Variants in TMC2 observed in about 807,000 individuals in gnomAD.
TMC2 encodes transmembrane channel-like protein 2.
A neutral mutation model predicts 105.9 loss-of-function variants in TMC2; 102 were observed. The observed-to-expected ratio is 0.96, with a 90% CI of 0.82 to 1.14. TMC2 has a LOEUF of 1.14. Ranked by LOEUF, TMC2 falls within the 50% of genes most tolerant of loss-of-function variation. The probability of loss-of-function intolerance (pLI) is 0.00; values close to 1 mark genes in which losing one functional copy is unlikely to be tolerated. For missense variants in TMC2, 1,093 were observed against 1,134.3 expected (o/e 0.96, Z 0.52); for synonymous variants, 402 against 422.8 (o/e 0.95, Z 0.60).
intron 5 of TMC2, among the ~76,000 whole-genome samples, chr20:2,572,966 G>C (rs777267347): frequency 7.3e-5 from 11 of 151,284 alleles, no homozygotes; most frequent in Non-Finnish European, 1.3e-4. Context: ...TGCCACTAAG[G>C]CTGGAGTGCA....
chr20:2,619,665 G>T (rs2086510804), intron 16 of TMC2, among the ~76,000 whole-genome samples: 1 of 152,152 alleles, frequency 6.6e-6, no homozygotes, highest in African/African-American at 2.4e-5. Context: ...AGAAGGAGGG[G>T]ATCAGTCTAG....
At chr20:2,557,655 C>G (rs578002483) in intron 2 of TMC2, among the ~76,000 whole-genome samples, 10 of 152,138 alleles carry the variant, frequency 6.6e-5, no homozygotes, top group Non-Finnish European at 1.3e-4. Context: ...CTTAGCCTTC[C>G]AAGTAGCTGG....
rs572906830 is a variant in TMC2, at chr20:2,554,852, C to A, written c.83-3604C>A. ...TGTTAAGGTGTGTTTTATGGTCCAG[C>A]ATATGGTCTATTTTGGTGAATGTTC... On this transcript the variant is annotated intron_variant, in intron 2 of 19. Transcript: ENST00000358864. Among the ~76,000 whole-genome samples, 3 of 152,262 alleles carry A rather than the reference C, an allele frequency of 2.0e-5. No individual in the cohort carries two copies. In the East Asian group the frequency reaches 5.8e-4, roughly 29 times the overall value.
Position 2,562,178 on chromosome 20 carries a change from G to A in TMC2, c.554+168G>A, listed in dbSNP as rs181864059. Among the ~76,000 whole-genome samples the A allele has an allele frequency of 1.2e-4, 18 of 152,356 alleles. 1 individual carries two copies. The East Asian group carries it at 3.3e-3, about 28-fold the overall frequency. On this transcript the variant is annotated intron_variant, in intron 4 of 19. Coordinates refer to ENST00000358864, the MANE Select transcript of TMC2 (RefSeq NM_080751.3). Reference sequence around the variant, plus strand: ...GAGAGCCAAGGCGGCCGTGCTGTTCGCCAGCACCACAGGGCCTAGAGGGGG... The same window carrying A: ...GAGAGCCAAGGCGGCCGTGCTGTTCACCAGCACCACAGGGCCTAGAGGGGG...
At chr20:2,636,132 T>A in intron 18 of TMC2, 128 bp downstream of exon 18, 1 of 722,214 alleles carries the variant, frequency 1.4e-6, no homozygotes, top group Non-Finnish European at 2.5e-6. Context: ...CCAAAATATC[T>A]GTATTATGGG....
intron 2 of TMC2, among the ~76,000 whole-genome samples, chr20:2,542,536 C>T (rs1373441188): frequency 6.6e-6 from 1 of 152,120 alleles, no homozygotes; most frequent in East Asian, 1.9e-4. Flanking sequence ...TTGCCTTCAG[C>T]TTGAAATAAT....
chr20:2,565,787 C>T (rs2086060046), intron 4 of TMC2, among the ~76,000 whole-genome samples: 1 of 152,068 alleles, frequency 6.6e-6, no homozygotes, highest in African/African-American at 2.4e-5. Flanking sequence ...CACCTATAAT[C>T]CCAGCACTTT....
At chr20:2,579,036 C>T in intron 5 of TMC2, 110 bp from the exon 6 acceptor site, 1 of 679,158 alleles carries the variant, frequency 1.5e-6, no homozygotes, top group Middle Eastern at 2.4e-4. Context: ...AGCAGCTTCA[C>T]CCATGCTGAC....
chr20:2,539,992 T>TTC lies in TMC2; in HGVS notation c.82+2677_82+2678insCT, dbSNP rs1555769295. 5.2e-4 allele frequency among the ~76,000 whole-genome samples: 67 copies of TTC among 128,870 alleles called. 1 individual carries two copies. The South Asian group carries it at 0.014, about 28-fold the overall frequency. 84.5% of individuals were successfully genotyped at this position (128,870 alleles called of 152,430 possible). A position where few individuals can be genotyped will look rare whatever the true frequency, so the allele number is the denominator to read the frequency against. On this transcript the variant is annotated intron_variant, in intron 2 of 19. Transcript: ENST00000358864. The stretch of plus-strand genomic sequence containing the variant: ...AGACTATTCTTTTCTTTTCTTTTCT[T>TTC]TTTTTTTTTTTTTTTTGAGATGGAG...
intron 4 of TMC2, among the ~76,000 whole-genome samples, chr20:2,570,902 G>A (rs563806361): frequency 6.6e-6 from 1 of 152,074 alleles, no homozygotes; most frequent in South Asian, 2.1e-4. Context: ...CAATGGGGAA[G>A]GACTCCCTAT....
rs745894885 is a variant in TMC2 at position 2,613,338 on chromosome 20, A to G, written c.1872+16A>G. The G allele has an allele frequency of 1.2e-6, 2 of 1,614,070 alleles. No individual in the cohort carries two copies. The highest frequency in any genetic ancestry group is 2.2e-5 in the South Asian group (2 of 91,068). The stretch of plus-strand genomic sequence containing the variant: ...GGCTGGATTTGTAGGTCACCACTTC[A>G]TGGACATTCCGCACAAAGGAATTTC... On this transcript the variant is annotated intron_variant, in intron 14 of 19. Transcript: ENST00000358864.
In TMC2 at chr20:2,572,249, T is replaced by C. The variant is rs1354801922; in HGVS notation, c.625T>C (p.Tyr209His). ...GKGKGKQLYA[Y>H]KMLMAKKWVK... ...GGGGAAAGGCAAGCAACTATATGCC[T>C]ACAAGATGCTGATGGCCAAGGTGTG... The change falls in exon 5 of 20, where the codon TAC becomes CAC. Residue 209 changes from tyrosine (Y) to histidine (H), a missense_variant. Tyr to His is a moderately conservative substitution (Grantham distance 83). Coordinates refer to ENST00000358864, the MANE Select transcript of TMC2 (RefSeq NM_080751.3). The C allele has an allele frequency of 1.2e-6, 2 of 1,612,982 alleles. No homozygotes were observed. The highest frequency in any genetic ancestry group is 1.1e-5 in the South Asian group (1 of 91,046).
At chr20:2,540,216 T>G (rs1208781550) in intron 2 of TMC2, among the ~76,000 whole-genome samples, 2 of 151,550 alleles carry the variant, frequency 1.3e-5, no homozygotes, top group Non-Finnish European at 2.9e-5. Context: ...GGTCTCAAAC[T>G]CATACCTCGT....
In TMC2 at chr20:2,616,945, C is replaced by G. The variant is rs186372593; in HGVS notation, c.1941-127C>G. 2.2e-4 allele frequency: 234 copies of G among 1,082,578 alleles called. No individual in the cohort carries two copies. Among genetic ancestry groups the G allele is most frequent in the Non-Finnish European group, 3.0e-4 (225 of 746,628 alleles). 67.1% of individuals were successfully genotyped at this position (1,082,578 alleles called of 1,614,324 possible). ...TCTGGTTAAATGGGAGGCCCCTTAC[C>G]TGGGGACTTGCCAGGAAAGCAGCTC... On this transcript the variant is annotated intron_variant, in intron 15 of 19. Coordinates refer to ENST00000358864, the MANE Select transcript of TMC2 (RefSeq NM_080751.3). The surrounding 1 kb of genome is among the most constrained non-coding windows in gnomAD (Gnocchi z 4.8).
intron 2 of TMC2, among the ~76,000 whole-genome samples, chr20:2,542,713 T>A (rs1210518211): frequency 6.6e-6 from 1 of 150,714 alleles, no homozygotes; most frequent in Non-Finnish European, 1.5e-5. Flanking sequence ...TTTTTTTTTT[T>A]GACAGAGTCT....
In TMC2 at chr20:2,574,462, A is replaced by G. The variant is rs139427834; in HGVS notation, c.645+2193A>G. 5.9e-5 allele frequency among the ~76,000 whole-genome samples: 9 copies of G among 152,320 alleles called. No homozygotes were observed. In the East Asian group the frequency reaches 1.5e-3, roughly 26 times the overall value. On this transcript the variant is annotated intron_variant, in intron 5 of 19. Transcript: ENST00000358864. ...GTAAATCAGTTTTGGGAGCATGATAATACACTTTTTGTTAATTTTAAAGAT... is the reference window on the plus strand; with the variant it reads ...GTAAATCAGTTTTGGGAGCATGATAGTACACTTTTTGTTAATTTTAAAGAT...
chr20:2,552,307 T>C (rs189779775), intron 2 of TMC2, among the ~76,000 whole-genome samples: 76 of 152,326 alleles, frequency 5.0e-4, no homozygotes, highest in Admixed American at 9.1e-4. Context: ...ATCCACAGAA[T>C]AATTTGCTGG....
chr20:2,567,357 T>A (rs1370349763), intron 4 of TMC2, among the ~76,000 whole-genome samples: 1 of 152,140 alleles, frequency 6.6e-6, no homozygotes, highest in African/African-American at 2.4e-5. Flanking sequence ...ACCATAGCAA[T>A]GTCAGAGGAG....
Position 2,558,570 on chromosome 20 carries a change from CG to C in TMC2, c.201del (p.Ser68LeufsTer114), listed in dbSNP as rs1568504478. 1 of 1,553,154 alleles carries C rather than the reference CG, an allele frequency of 6.4e-7. No homozygotes were observed. On this transcript the variant is annotated frameshift_variant, in exon 3 of 20. Coordinates refer to ENST00000358864, the MANE Select transcript of TMC2 (RefSeq NM_080751.3). LOFTEE classifies it high-confidence loss of function. This position sits in a 1 kb window ranked among gnomAD's most constrained non-coding sequence, Gnocchi z 4.6. ...GAGCGCGCCGGGGGCAGCCCAAGCCCGGGGTCTCCCCGGAGGAAGCAAACAG... is the reference window on the plus strand; with the variant it reads ...GAGCGCGCCGGGGGCAGCCCAAGCCCGGGTCTCCCCGGAGGAAGCAAACAG... ...QKERAGGSPS[P>X]GSPRRKQTGR...
Sources: gnomAD v4.1 joint callset for allele counts (sites outside exome capture counted in the v4.1 genomes callset) on GRCh38, gnomAD v4.1.1 for gene constraint, Gnocchi (gnomAD v3.1) non-coding constraint, MANE v1.5 for transcripts, NCBI Gene and HGNC (gene_info 2026-07-23, HGNC 2026-07-21) for gene names.